KYNU: variants seen among roughly 807,000 people sequenced by gnomAD.
KYNU encodes the protein L-kynurenine hydrolase.
Under a neutral mutation model 59.2 loss-of-function variants are expected in KYNU, and 54 were observed. The observed-to-expected ratio is 0.91, with a 90% confidence interval of 0.73 to 1.14. The LOEUF (loss-of-function observed/expected upper bound fraction) is 1.14, where lower values mean the gene tolerates loss of function less well. KYNU is among the 50% of genes most tolerant of loss of function. KYNU has a pLI of 0.00. For synonymous variants in KYNU, 177 were observed against 192.0 expected, an observed-to-expected ratio of 0.92 and a Z score of 0.65; for missense variants, 567 against 554.4, an observed-to-expected ratio of 1.02 and a Z score of -0.23.
intron 2 of KYNU, among the ~76,000 whole-genome samples, chr2:142,908,437 A>G (rs1682368447): frequency 6.6e-6 from 1 of 151,676 alleles, no homozygotes; most frequent in Non-Finnish European, 1.5e-5. Flanking sequence ...TTTGTTTTTA[A>G]TGGGTAAATT....
At chr2:143,035,771 A>C (rs1314409166) in intron 12 of KYNU, among the ~76,000 whole-genome samples, 1 of 151,794 alleles carries the variant, frequency 6.6e-6, no homozygotes, top group African/African-American at 2.4e-5. Context: ...ATTATTATTT[A>C]TTTATTTTAT....
At chr2:142,912,763 G>A (rs1241507565) in intron 2 of KYNU, among the ~76,000 whole-genome samples, 1 of 136,768 alleles carries the variant, frequency 7.3e-6, no homozygotes, top group African/African-American at 2.8e-5. Flanking sequence ...AGGCTGGAGT[G>A]CAGTGGCACG....
intron 10 of KYNU, among the ~76,000 whole-genome samples, chr2:143,002,497 T>C (rs2105187677): frequency 6.6e-6 from 1 of 152,352 alleles, no homozygotes; most frequent in South Asian, 2.1e-4. Context: ...GCTAGGTCTT[T>C]GATGTTTCTG....
intron 2 of KYNU, among the ~76,000 whole-genome samples, chr2:142,898,566 TC>T (rs1681962333): frequency 6.6e-6 from 1 of 152,210 alleles, no homozygotes; most frequent in Non-Finnish European, 1.5e-5. Flanking sequence ...AACTAGTTTT[TC>T]CTTCTAAACT....
chr2:142,940,179 C>G (rs753007328), intron 4 of KYNU, among the ~76,000 whole-genome samples: 1 of 152,182 alleles, frequency 6.6e-6, no homozygotes, highest in Non-Finnish European at 1.5e-5. Context: ...TTCAAATATT[C>G]TAATATGTAA....
intron 4 of KYNU, among the ~76,000 whole-genome samples, chr2:142,932,952 G>A (rs1683275659): frequency 1.3e-5 from 2 of 152,300 alleles, no homozygotes; most frequent in South Asian, 4.1e-4. Flanking sequence ...TAAGAGCATG[G>A]CTGGGTTTAG....
At chr2:143,000,528 C>A (rs887061212) in intron 10 of KYNU, among the ~76,000 whole-genome samples, 1 of 152,140 alleles carries the variant, frequency 6.6e-6, no homozygotes, top group Non-Finnish European at 1.5e-5. Context: ...GGCACACATA[C>A]AGATCAGGCA....
At chr2:142,953,689 G>A (rs1388601716) in intron 4 of KYNU, among the ~76,000 whole-genome samples, 5 of 152,134 alleles carry the variant, frequency 3.3e-5, no homozygotes, top group African/African-American at 1.2e-4. Context: ...ACAGTGATCA[G>A]AGATACGTCT....
Position 142,954,796 on chromosome 2 carries a change from T to C in KYNU, c.374-14T>C, listed in dbSNP as rs1375627624. ...TAGTACAAACATCTAAATTACGATATGTTTATTTTACAGGAGCCAATGAGA... is the reference window on the plus strand; with the variant it reads ...TAGTACAAACATCTAAATTACGATACGTTTATTTTACAGGAGCCAATGAGA... On this transcript the variant is annotated splice_polypyrimidine_tract_variant and intron_variant, in intron 4 of 13. Coordinates refer to ENST00000264170, the MANE Select transcript of KYNU (RefSeq NM_003937.3). 1.3e-6 allele frequency: 2 copies of C among 1,554,826 alleles called. No individual in the cohort carries two copies. The highest frequency in any genetic ancestry group is 2.3e-5 in the East Asian group (1 of 44,408).
chr2:142,892,953 CTCA>C (rs1445585558), intron 2 of KYNU, among the ~76,000 whole-genome samples: 1 of 152,130 alleles, frequency 6.6e-6, no homozygotes, highest in African/African-American at 2.4e-5. Flanking sequence ...TTCAGTTTGC[CTCA>C]TGAGTTTTAA....
rs145638294 is a variant in KYNU, at chr2:142,988,802, T to C, written c.902+2781T>C. Reference sequence around the variant, plus strand: ...CTGTCAACTTCTAGCCTTGGCTCTCTATTCTGTACCAAGTATCTTATATTG... The same window carrying C: ...CTGTCAACTTCTAGCCTTGGCTCTCCATTCTGTACCAAGTATCTTATATTG... On this transcript the variant is annotated intron_variant, in intron 10 of 13. Transcript: ENST00000264170. The C allele has an allele frequency of 6.0e-3, 8,204 of 1,378,128 alleles. 41 individuals are homozygous for C. The highest frequency in any genetic ancestry group is 9.3e-3 in the Middle Eastern group (52 of 5,570). The allele number at this position is 1,378,128 out of a possible 1,614,324, so 85.4% of individuals were successfully genotyped here. A position where few individuals can be genotyped will look rare whatever the true frequency, so the allele number is the denominator to read the frequency against.
intron 3 of KYNU, among the ~76,000 whole-genome samples, chr2:142,920,797 G>A (rs1682854327): frequency 6.6e-6 from 1 of 152,180 alleles, no homozygotes; most frequent in South Asian, 2.1e-4. Flanking sequence ...TTAAGCTGTA[G>A]TGACTCAGTC....
intron 4 of KYNU, among the ~76,000 whole-genome samples, chr2:142,937,553 A>G (rs186270348): frequency 3.3e-5 from 5 of 151,738 alleles, no homozygotes; most frequent in Admixed American, 2.6e-4. Flanking sequence ...ACAAATCATG[A>G]GTCAGGCAGC....
chr2:142,963,016 C>T (rs1273141428), intron 8 of KYNU, among the ~76,000 whole-genome samples: 2 of 151,988 alleles, frequency 1.3e-5, no homozygotes, highest in African/African-American at 2.4e-5. Flanking sequence ...GGCAAAAAAA[C>T]GTTTTCAGAA....
At chr2:142,973,096 C>T (rs1684780868) in intron 8 of KYNU, among the ~76,000 whole-genome samples, 1 of 149,734 alleles carries the variant, frequency 6.7e-6, no homozygotes, top group Non-Finnish European at 1.5e-5. Flanking sequence ...CTCATATATA[C>T]ACATTATATA....
rs1186056484 is a variant in KYNU, at chr2:142,972,809, T to TAGAGAGAGAG, written c.729+12040_729+12041insGAGAGAGAGA. Among the ~76,000 whole-genome samples, 14 of 137,392 alleles carry TAGAGAGAGAG rather than the reference T, an allele frequency of 1.0e-4. No individual in the cohort carries two copies. The East Asian group carries it at 1.9e-3, about 18-fold the overall frequency. The allele number at this position is 137,392 out of a possible 152,430, so 90.1% of individuals were successfully genotyped here. A position where few individuals can be genotyped will look rare whatever the true frequency, so the allele number is the denominator to read the frequency against. On this transcript the variant is annotated intron_variant, in intron 8 of 13. Coordinates refer to ENST00000264170, the MANE Select transcript of KYNU (RefSeq NM_003937.3). ...CAGAGGCCATATATATATATATATA[T>TAGAGAGAGAG]ATATAGAGAGAGAGAGAGAGAGAGA...
chr2:143,022,032 A>G (rs767742351), intron 10 of KYNU, among the ~76,000 whole-genome samples: 13 of 152,142 alleles, frequency 8.5e-5, no homozygotes, highest in Non-Finnish European at 1.9e-4. Flanking sequence ...GTATCTGAAT[A>G]TTTATATCAA....
chr2:142,947,696 A>G (rs144340220), intron 4 of KYNU: 41 of 155,786 alleles, frequency 2.6e-4, no homozygotes, highest in Middle Eastern at 3.4e-3. Context: ...TCCCCTAGTA[A>G]TATACTCTTT....
intron 10 of KYNU, among the ~76,000 whole-genome samples, chr2:143,006,757 C>CGAGCAG (rs1685918453): frequency 6.6e-6 from 1 of 151,710 alleles, no homozygotes. Context: ...CCCTGACCCC[C>CGAGCAG]GAGCAGCCTA....
Sources: allele counts gnomAD v4.1 joint callset (sites outside exome capture counted in the v4.1 genomes callset), GRCh38; gene constraint gnomAD v4.1.1; transcripts MANE v1.5; gene names NCBI Gene and HGNC (gene_info 2026-07-23, HGNC 2026-07-21).